The following NRG1 variants were observed in gnomAD, a reference collection of about 807,000 sequenced individuals.
NRG1 encodes pro-neuregulin-1, membrane-bound isoform.
Under a neutral mutation model 63.8 loss-of-function variants are expected in NRG1, and 18 were observed. That is an observed-to-expected ratio of 0.28 (90% CI 0.19 to 0.42). The LOEUF is 0.42. NRG1 is among the 10% of genes least tolerant of loss of function. The pLI, the probability that NRG1 is intolerant of heterozygous loss-of-function variation, is 1.00. For synonymous variants in NRG1, 302 were observed against 301.3 expected (o/e 1.00, Z -0.02); for missense variants, 762 against 814.7 (o/e 0.94, Z 0.79).
At chr8:32,760,174 G>A (rs764476943) in intron 10 of NRG1, 26 bp from the exon 11 acceptor site, 8 of 1,612,604 alleles carry the variant, frequency 5.0e-6, no homozygotes, top group Non-Finnish European at 5.9e-6. Context: ...CGAAATATCT[G>A]ATTGTCTCTC....
chr8:32,514,321 TCTTA>T (rs1046164509), intron 1 of NRG1, among the ~76,000 whole-genome samples: 4 of 152,192 alleles, frequency 2.6e-5, no homozygotes, highest in Admixed American at 1.3e-4. Flanking sequence ...TACTTTCATA[TCTTA>T]CTTGATACCT....
intron 1 of NRG1, among the ~76,000 whole-genome samples, chr8:32,310,567 T>G (rs527442671): frequency 2.6e-5 from 4 of 152,218 alleles, no homozygotes; most frequent in Non-Finnish European, 5.9e-5. Context: ...CCATACAGCA[T>G]GCTGAATTTC....
At chr8:32,653,080 C>T (rs1322373639) in intron 5 of NRG1, among the ~76,000 whole-genome samples, 2 of 151,916 alleles carry the variant, frequency 1.3e-5, no homozygotes, top group Non-Finnish European at 2.9e-5. Context: ...ATTACTTTTG[C>T]TCTACATCAA....
chr8:32,121,972 G>T (rs1287217778), intron 1 of NRG1, among the ~76,000 whole-genome samples: 2 of 151,956 alleles, frequency 1.3e-5, no homozygotes, highest in Non-Finnish European at 2.9e-5. Context: ...GGCCAGGGAA[G>T]TTTCTTGCTA....
At chr8:32,150,653 C>T (rs1164765977) in intron 1 of NRG1, among the ~76,000 whole-genome samples, 3 of 152,120 alleles carry the variant, frequency 2.0e-5, no homozygotes, top group Non-Finnish European at 4.4e-5. Flanking sequence ...TTCTAAATGA[C>T]TCAGTCTAAG....
chr8:32,191,722 TGGTAACAAA>T (rs912692137), intron 1 of NRG1, among the ~76,000 whole-genome samples: 35 of 152,288 alleles, frequency 2.3e-4, no homozygotes, highest in Middle Eastern at 3.4e-3. Flanking sequence ...GTGTATGGCC[TGGTAACAAA>T]GCATTACCCT....
At chr8:31,916,325 AG>A (rs1375129038) in intron 1 of NRG1, among the ~76,000 whole-genome samples, 3 of 152,188 alleles carry the variant, frequency 2.0e-5, no homozygotes, top group South Asian at 2.1e-4. Flanking sequence ...CTCGTCATCT[AG>A]CATTAGGTAT....
At chr8:31,809,824 A>G (rs1822703405) in intron 1 of NRG1, among the ~76,000 whole-genome samples, 1 of 124,064 alleles carries the variant, frequency 8.1e-6, no homozygotes. Context: ...TTCTGACCCG[A>G]GTGCTCTCTT....
intron 1 of NRG1, among the ~76,000 whole-genome samples, chr8:32,291,043 G>T (rs1421539715): frequency 1.3e-5 from 2 of 152,138 alleles, no homozygotes; most frequent in Non-Finnish European, 2.9e-5. Context: ...CCCAGGAAGA[G>T]CTGACATTTC....
intron 1 of NRG1, among the ~76,000 whole-genome samples, chr8:31,703,820 G>C (rs776820144): frequency 1.3e-5 from 2 of 152,170 alleles, no homozygotes; most frequent in African/African-American, 4.8e-5. Context: ...TGTGCTCTTA[G>C]CTTATTGCCA....
rs184861442 is a variant in NRG1 at position 31,811,827 on chromosome 8, T to G, written c.37+172396T>G. ...ATATTCTGAGAATTGAGGTGTCTTA[T>G]GCATTAATTGGATTGCTAGATGGCC... On this transcript the variant is annotated intron_variant, in intron 1 of 10. Transcript: ENST00000519301. Among the ~76,000 whole-genome samples the G allele has an allele frequency of 7.2e-5, 11 of 152,330 alleles. No homozygotes were observed. In the East Asian group the frequency reaches 1.9e-3, roughly 27 times the overall value.
At chr8:32,116,613 A>G (rs1832747200) in intron 1 of NRG1, among the ~76,000 whole-genome samples, 1 of 152,126 alleles carries the variant, frequency 6.6e-6, no homozygotes, top group Non-Finnish European at 1.5e-5. Flanking sequence ...AGTGCCTGTC[A>G]GAGAGAATCT....
At chr8:31,757,874 C>G (rs551559497) in intron 1 of NRG1, among the ~76,000 whole-genome samples, 3 of 151,996 alleles carry the variant, frequency 2.0e-5, no homozygotes. Context: ...TTCTGTCATT[C>G]TAGAAATTTC....
At chr8:32,195,160 G>A (rs79759260) in intron 1 of NRG1, among the ~76,000 whole-genome samples, 4,113 of 152,188 alleles carry the variant, frequency 0.027, 91 homozygotes, top group Middle Eastern at 0.065. Context: ...AAAAGCCACT[G>A]AGCAGGCTGG....
chr8:32,432,773 C>T (rs1400818790), intron 1 of NRG1, among the ~76,000 whole-genome samples: 1 of 152,122 alleles, frequency 6.6e-6, no homozygotes, highest in African/African-American at 2.4e-5. Context: ...CAGGTGTGAG[C>T]CACCGCACCC....
rs5890644 is a variant in NRG1, at chr8:32,387,724, G to GA, written c.38-208092dup. ...CTTTTAGTGGTGACATGATGAAAAA[G>GA]AAAAAAAAAAAATAGATGCAATGGC... On this transcript the variant is annotated intron_variant, in intron 1 of 10. Transcript: ENST00000519301. Among the ~76,000 whole-genome samples the GA allele has an allele frequency of 1.3e-3, 198 of 146,808 alleles. 1 individual carries two copies. Among genetic ancestry groups the GA allele is most frequent in the African/African-American group, 3.0e-3 (120 of 39,766 alleles).
intron 1 of NRG1, among the ~76,000 whole-genome samples, chr8:32,487,828 C>G (rs766521143): frequency 7.2e-5 from 11 of 152,296 alleles, no homozygotes; most frequent in Non-Finnish European, 1.3e-4. Flanking sequence ...GTTACCGTCC[C>G]TTTCAACCGG....
At chr8:32,287,172 C>T (rs141607601) in intron 1 of NRG1, 8 of 152,232 alleles carry the variant, frequency 5.3e-5, no homozygotes, top group African/African-American at 1.2e-4. Flanking sequence ...ATCATACTAC[C>T]CGAGGTTTGT....
chr8:32,650,319 G>C lies in NRG1; in HGVS notation c.502+33434G>C, dbSNP rs186483289. Among the ~76,000 whole-genome samples the C allele has an allele frequency of 2.6e-5, 4 of 152,212 alleles. No homozygotes were observed. The East Asian group carries it at 7.7e-4, about 29-fold the overall frequency. ...ATCATTGTGGCCAGTTTGACCAGAT[G>C]CACAGCTGCAACGTTTTGAAGTGCA... On this transcript the variant is annotated intron_variant, in intron 5 of 11. Coordinates refer to ENST00000356819, the Ensembl canonical transcript of NRG1.
Sources: gnomAD v4.1 joint callset for allele counts (sites outside exome capture counted in the v4.1 genomes callset) on GRCh38, gnomAD v4.1.1 for gene constraint, MANE v1.5 for transcripts, NCBI Gene and HGNC (gene_info 2026-07-23, HGNC 2026-07-21) for gene names.